The following PPM1L variants were observed in gnomAD, a reference collection of about 807,000 sequenced individuals.
PPM1L encodes the protein protein phosphatase 1L.
PPM1L carries 13 observed loss-of-function variants against 31.4 expected under a neutral mutation model. That is an observed-to-expected ratio of 0.41 (90% CI 0.27 to 0.66). PPM1L has a LOEUF of 0.66. Ranked by LOEUF, PPM1L falls within the 30% of genes least tolerant of loss-of-function variation. The probability of loss-of-function intolerance (pLI) is 0.29; values close to 1 mark genes in which losing one functional copy is unlikely to be tolerated. For missense variants in PPM1L, 326 were observed against 453.7 expected, an observed-to-expected ratio of 0.72 and a Z score of 2.56; for synonymous variants, 184 against 175.4, an observed-to-expected ratio of 1.05 and a Z score of -0.39.
rs1488132810 is a variant in PPM1L at position 161,078,879 on chromosome 3, A to G, written c.*9722A>G. On this transcript the variant is annotated 3_prime_UTR_variant, in exon 4 of 4. Transcript: ENST00000498165. ...CCATGACAAGATTAAAGCAAAAATA[A>G]ACACAAAGTTGTTAGACTTTAAACA... The G allele has an allele frequency of 6.6e-6, 1 of 152,232 alleles. No individual in the cohort carries two copies. Among genetic ancestry groups the G allele is most frequent in the Non-Finnish European group, 1.5e-5 (1 of 68,042 alleles). 9.4% of individuals were successfully genotyped at this position (152,232 alleles called of 1,614,324 possible). A position where few individuals can be genotyped will look rare whatever the true frequency, so the allele number is the denominator to read the frequency against.
intron 1 of PPM1L, among the ~76,000 whole-genome samples, chr3:160,876,364 G>A (rs943273887): frequency 2.6e-5 from 4 of 152,172 alleles, no homozygotes; most frequent in African/African-American, 9.7e-5. Context: ...TGGAATGATG[G>A]CAAACTGTGC....
chr3:160,973,375 A>T (rs928764898), intron 2 of PPM1L, among the ~76,000 whole-genome samples: 1 of 152,238 alleles, frequency 6.6e-6, no homozygotes, highest in African/African-American at 2.4e-5. Flanking sequence ...ACTTTAGAGT[A>T]CATTAGCTAT....
chr3:161,028,444 C>T (rs562533567), intron 2 of PPM1L, among the ~76,000 whole-genome samples: 2 of 151,938 alleles, frequency 1.3e-5, no homozygotes, highest in Admixed American at 6.6e-5. Flanking sequence ...GCAAGTATGG[C>T]AGGAGAAAAG....
At chr3:161,050,923 T>C (rs1020947934) in intron 2 of PPM1L, among the ~76,000 whole-genome samples, 1 of 152,258 alleles carries the variant, frequency 6.6e-6, no homozygotes, top group African/African-American at 2.4e-5. Context: ...TTTTCTATTC[T>C]TTGTTTTGAA....
At chr3:160,831,726 A>C (rs1713532082) in intron 1 of PPM1L, among the ~76,000 whole-genome samples, 1 of 152,208 alleles carries the variant, frequency 6.6e-6, no homozygotes, top group South Asian at 2.1e-4. Context: ...CTGTGAGCAG[A>C]GTTGTAAGAA....
chr3:160,985,940 A>C (rs960800857), intron 2 of PPM1L, among the ~76,000 whole-genome samples: 1 of 150,474 alleles, frequency 6.6e-6, no homozygotes, highest in Non-Finnish European at 1.5e-5. Context: ...ATAGATGCCT[A>C]TATTGATGGC....
At chr3:160,760,018 G>A (rs1714927077) in intron 1 of PPM1L, among the ~76,000 whole-genome samples, 1 of 151,990 alleles carries the variant, frequency 6.6e-6, no homozygotes, top group Non-Finnish European at 1.5e-5. Flanking sequence ...CAGTGCTGGG[G>A]CAGCACTATT....
intron 1 of PPM1L, among the ~76,000 whole-genome samples, chr3:160,783,328 G>T (rs1000278504): frequency 6.6e-6 from 1 of 152,080 alleles, no homozygotes; most frequent in Non-Finnish European, 1.5e-5. Context: ...GGCTGGGTGC[G>T]GTGGCTCACG....
chr3:161,054,644 G>A (rs906017194), intron 2 of PPM1L, among the ~76,000 whole-genome samples: 11 of 152,134 alleles, frequency 7.2e-5, no homozygotes, highest in African/African-American at 2.4e-4. Flanking sequence ...CTGGCAACAG[G>A]CTAGGTGGGT....
At chr3:160,786,319 G>A (rs1313652284) in intron 1 of PPM1L, among the ~76,000 whole-genome samples, 1 of 145,498 alleles carries the variant, frequency 6.9e-6, no homozygotes, top group Non-Finnish European at 1.5e-5. Context: ...TCGAGTTCAA[G>A]CGATTCTTGT....
At chr3:160,972,184 T>G (rs1340840862) in intron 2 of PPM1L, among the ~76,000 whole-genome samples, 1 of 151,894 alleles carries the variant, frequency 6.6e-6, no homozygotes, top group African/African-American at 2.4e-5. Flanking sequence ...GTAGAAAAAA[T>G]GATAATTCAG....
Position 161,070,223 on chromosome 3 carries a change from A to C in PPM1L, c.*1066A>C, listed in dbSNP as rs1018114774. ...GCAGTGTTCTGAGAAGCAGCAGCCT[A>C]TAACTGTATGTGTGTTCCTTGAAGC... is the stretch of plus-strand genomic sequence containing the variant. On this transcript the variant is annotated 3_prime_UTR_variant, in exon 4 of 4. Coordinates refer to ENST00000498165, the MANE Select transcript of PPM1L (RefSeq NM_139245.4). The C allele has an allele frequency of 2.6e-5, 4 of 152,252 alleles. No individual in the cohort carries two copies. The highest frequency in any genetic ancestry group is 5.9e-5 in the Non-Finnish European group (4 of 68,068). 9.4% of individuals were successfully genotyped at this position (152,252 alleles called of 1,614,324 possible).
At chr3:160,928,806 C>T (rs570362997) in intron 1 of PPM1L, among the ~76,000 whole-genome samples, 7 of 152,228 alleles carry the variant, frequency 4.6e-5, no homozygotes, top group Middle Eastern at 3.4e-3. Context: ...AACAGGCCTT[C>T]GCCGGAGACT....
At chr3:161,010,160 A>C (rs1717844044) in intron 2 of PPM1L, among the ~76,000 whole-genome samples, 2 of 148,604 alleles carry the variant, frequency 1.3e-5, no homozygotes, top group African/African-American at 2.5e-5. Flanking sequence ...TCCTCCCCCC[A>C]CCCCATGACA....
intron 1 of PPM1L, among the ~76,000 whole-genome samples, chr3:160,903,584 A>G (rs1183915978): frequency 1.3e-5 from 2 of 152,188 alleles, no homozygotes; most frequent in Non-Finnish European, 2.9e-5. Flanking sequence ...AAAATATACC[A>G]TCAAAATATT....
At chr3:160,858,392 GC>G (rs1711790614) in intron 1 of PPM1L, among the ~76,000 whole-genome samples, 1 of 152,056 alleles carries the variant, frequency 6.6e-6, no homozygotes. Flanking sequence ...GATTGCAGGA[GC>G]CTGCCACCAC....
At chr3:160,864,247 A>G (rs1712007699) in intron 1 of PPM1L, among the ~76,000 whole-genome samples, 1 of 152,114 alleles carries the variant, frequency 6.6e-6, no homozygotes, top group Admixed American at 6.5e-5. Flanking sequence ...CAGTGGTGTG[A>G]TCACAGCTCA....
At chr3:161,055,167 T>G (rs2108101706) in intron 2 of PPM1L, among the ~76,000 whole-genome samples, 1 of 152,244 alleles carries the variant, frequency 6.6e-6, no homozygotes, top group Admixed American at 6.5e-5. Context: ...AGCTTACTGT[T>G]TATAGTGTTT....
At chr3:161,041,445 AT>A (rs1176672974) in intron 2 of PPM1L, among the ~76,000 whole-genome samples, 1 of 152,126 alleles carries the variant, frequency 6.6e-6, no homozygotes, top group Non-Finnish European at 1.5e-5. Flanking sequence ...TCAGAAAAAT[AT>A]TTTACAGAGT....
Sources: gnomAD v4.1 joint callset for allele counts (sites outside exome capture counted in the v4.1 genomes callset) on GRCh38, gnomAD v4.1.1 for gene constraint, MANE v1.5 for transcripts, NCBI Gene and HGNC (gene_info 2026-07-23, HGNC 2026-07-21) for gene names.